PIGZ: variants seen among roughly 807,000 people sequenced by gnomAD.
PIGZ encodes GPI alpha-1,2-mannosyltransferase 4.
A neutral mutation model predicts 16.4 loss-of-function variants in PIGZ; 16 were observed. That is an observed-to-expected ratio of 0.97 (90% CI 0.66 to 1.48). The LOEUF (loss-of-function observed/expected upper bound fraction) is 1.48. Among genes scored for constraint, PIGZ ranks in the 40% most tolerant of loss-of-function variants. The pLI is 0.00. For synonymous variants in PIGZ, 409 were observed against 338.4 expected (o/e 1.21, Z -2.29); for missense variants, 770 against 739.2 (o/e 1.04, Z -0.48).
At position 196,947,729 on chromosome 3, in the gene PIGZ, G is replaced by A. The variant is rs369175760; in HGVS notation, c.1168C>T (p.Arg390Trp). The change falls in exon 3 of 3, where the codon CGG (arginine) becomes TGG (tryptophan). Residue 390 changes from arginine (R) to tryptophan (W), a missense_variant. Coordinates refer to ENST00000412723, the MANE Select transcript of PIGZ (RefSeq NM_025163.4). ...LLSAFSHQEA[R>W]FLIPLLVPLV... ...GGGACCAGGAGGGGAATCAGGAACC[G>A]AGCCTCCTGGTGGCTAAAGGCAGAT... 54 of 1,612,896 alleles carry A rather than the reference G, an allele frequency of 3.3e-5. No homozygotes were observed. In the East Asian group the frequency reaches 3.6e-4, roughly 11 times the overall value.
intron 1 of PIGZ, among the ~76,000 whole-genome samples, 153 bp downstream of exon 1, chr3:196,968,534 C>CG (rs1260662906): frequency 3.3e-5 from 5 of 152,304 alleles, no homozygotes; most frequent in Non-Finnish European, 5.9e-5. Context: ...TGCGAGAATG[C>CG]GGGGGGCGGC....
At chr3:196,954,222 T>G (rs1275520854) in intron 1 of PIGZ, among the ~76,000 whole-genome samples, 1 of 152,088 alleles carries the variant, frequency 6.6e-6, no homozygotes, top group South Asian at 2.1e-4. Flanking sequence ...GAGGTGGAGG[T>G]TGTGGTGAGC....
chr3:196,957,510 G>A (rs1046654418), intron 1 of PIGZ, among the ~76,000 whole-genome samples: 1 of 151,854 alleles, frequency 6.6e-6, no homozygotes, highest in African/African-American at 2.4e-5. Flanking sequence ...AGCCTCTTGA[G>A]TAGCTGGGAT....
Position 196,948,273 on chromosome 3 carries a change from A to G in PIGZ, c.624T>C (p.Gly208=), listed in dbSNP as rs757642940. ...CAAGAAGCCAGCTGCGCCACCGTGG[A>G]CCCGGCGCCGGCTCCTTGCGTGTAG... ...WGPTRKEPAP[G]PRWRSWLLGG... Residue 208 remains glycine, a synonymous_variant, in exon 3 of 3, where the codon GGT becomes GGC. Transcript: ENST00000412723. 16 of 1,613,920 alleles carry G rather than the reference A, an allele frequency of 9.9e-6. No homozygotes were observed. The highest frequency in any genetic ancestry group is 3.3e-4 in the Middle Eastern group (2 of 6,084).
intron 1 of PIGZ, among the ~76,000 whole-genome samples, chr3:196,955,563 CTTTTCTTTCTTTCT>C (rs1560185823): frequency 2.8e-5 from 3 of 105,904 alleles, no homozygotes; most frequent in South Asian, 6.1e-4. Flanking sequence ...CTTTTCTTTT[CTTTTCTTTCTTTCT>C]TTTTTTTTTT....
rs1560180615 is a variant in PIGZ, at chr3:196,948,857, C to CCCTCCCTTCCCTT, written c.212-173_212-172insAAGGGAAGGGAGG. 5.0e-5 allele frequency among the ~76,000 whole-genome samples: 6 copies of CCCTCCCTTCCCTT among 118,848 alleles called. 2 individuals are homozygous for CCCTCCCTTCCCTT. The South Asian group carries it at 1.4e-3, about 27-fold the overall frequency. 78.0% of individuals were successfully genotyped at this position (118,848 alleles called of 152,430 possible). On this transcript the variant is annotated intron_variant, in intron 2 of 2. Coordinates refer to ENST00000412723, the MANE Select transcript of PIGZ (RefSeq NM_025163.4). ...TCCCTCCCTCTCTCCCTCCTTCTTT[C>CCCTCCCTTCCCTT]CCTTCCTTCCCTTCCTTCCTTCCCT...
intron 1 of PIGZ, 55 bp from the exon 2 acceptor site, chr3:196,952,086 T>C: frequency 6.8e-7 from 1 of 1,474,276 alleles, no homozygotes; most frequent in Non-Finnish European, 9.3e-7. Flanking sequence ...TATATTCAAC[T>C]GTCTGAACAA....
chr3:196,967,811 T>G (rs562464660), intron 1 of PIGZ, among the ~76,000 whole-genome samples: 20 of 152,128 alleles, frequency 1.3e-4, no homozygotes, highest in African/African-American at 3.6e-4. Flanking sequence ...TAAACACACA[T>G]AGAGAGTGAA....
intron 1 of PIGZ, among the ~76,000 whole-genome samples, chr3:196,961,458 A>G (rs961054613): frequency 6.6e-6 from 1 of 152,166 alleles, no homozygotes; most frequent in African/African-American, 2.4e-5. Context: ...ACAATTCATC[A>G]TGTTGCCAGG....
chr3:196,955,681 C>T (rs574920314), intron 1 of PIGZ, among the ~76,000 whole-genome samples: 136 of 150,268 alleles, frequency 9.1e-4, no homozygotes, highest in Non-Finnish European at 3.1e-4. Flanking sequence ...TGGGTTCAAG[C>T]GATTCTCCTG....
At chr3:196,967,786 C>T (rs1386477094) in intron 1 of PIGZ, among the ~76,000 whole-genome samples, 1 of 152,274 alleles carries the variant, frequency 6.6e-6, no homozygotes, top group East Asian at 1.9e-4. Flanking sequence ...TCACAGAGAA[C>T]GCAACACACA....
chr3:196,965,594 A>G lies in PIGZ; in HGVS notation c.-1+3093T>C, dbSNP rs139175821. Among the ~76,000 whole-genome samples the G allele has an allele frequency of 1.3e-4, 20 of 152,178 alleles. No homozygotes were observed. Among genetic ancestry groups the G allele is most frequent in the African/African-American group, 3.4e-4 (14 of 41,522 alleles). On this transcript the variant is annotated intron_variant, in intron 1 of 2. Transcript: ENST00000412723. The surrounding 1 kb of genome is among the most constrained non-coding windows in gnomAD (Gnocchi z 4.2). ...AACGTTGCTTGCTAATTATTCCTTG[A>G]ACCCAGCTCTTGTTCCTCATTCTCC...
Position 196,961,218 on chromosome 3 carries a change from CAGTG to C in PIGZ, c.-1+7465_-1+7468del, listed in dbSNP as rs1268827938. Among the ~76,000 whole-genome samples, 3 of 152,158 alleles carry C rather than the reference CAGTG, an allele frequency of 2.0e-5. No individual in the cohort carries two copies. The East Asian group carries it at 5.8e-4, about 29-fold the overall frequency. On this transcript the variant is annotated intron_variant, in intron 1 of 2. Transcript: ENST00000412723. ...GCTGTGTTCTTGAATGCAATAGTTC[CAGTG>C]CTGGTCTCCTGAGTCCTCACTTTCC...
At chr3:196,951,540 C>T in intron 2 of PIGZ, 1 of 491,938 alleles carries the variant, frequency 2.0e-6, no homozygotes, top group South Asian at 2.2e-5. Flanking sequence ...AAGTCCAACA[C>T]AGCTCTCATT....
intron 1 of PIGZ, among the ~76,000 whole-genome samples, chr3:196,966,121 C>T (rs554749158): frequency 2.6e-5 from 4 of 152,314 alleles, no homozygotes; most frequent in Admixed American, 2.0e-4. Context: ...TCCTCTATTC[C>T]GTGCTGTTTC....
intron 1 of PIGZ, among the ~76,000 whole-genome samples, chr3:196,963,112 G>A (rs191992937): frequency 2.3e-4 from 35 of 152,320 alleles, no homozygotes; most frequent in Admixed American, 9.1e-4. Context: ...TGGTTCGTCC[G>A]TGTTGTAGCA....
chr3:196,947,798 T>A lies in PIGZ; in HGVS notation c.1099A>T (p.Arg367Trp), dbSNP rs1418528538. The A allele has an allele frequency of 3.1e-6, 5 of 1,607,822 alleles. No homozygotes were observed. The highest frequency in any genetic ancestry group is 4.3e-6 in the Non-Finnish European group (5 of 1,176,150). ...LGARSLLSSP[R>W]SYLLLLYFMP... ...AAGTAGAGGAGAAGGAGATAGGACC[T>A]GGGGCTGGACAGCAGGCTCCGGGCA... is the stretch of plus-strand genomic sequence containing the variant. Residue 367 changes from arginine (R) to tryptophan (W), a missense_variant, in exon 3 of 3, where the codon AGG becomes TGG. Physicochemically the swap from Arg to Trp is moderately radical, Grantham distance 101. Transcript: ENST00000412723.
chr3:196,950,182 G>A (rs556799927), intron 2 of PIGZ, among the ~76,000 whole-genome samples: 2 of 152,012 alleles, frequency 1.3e-5, no homozygotes, highest in Admixed American at 6.6e-5. Flanking sequence ...ATGGGGTTTC[G>A]CCATGTTGGC....
intron 1 of PIGZ, among the ~76,000 whole-genome samples, chr3:196,968,004 A>G (rs1042174407): frequency 3.9e-5 from 6 of 152,344 alleles, no homozygotes; most frequent in African/African-American, 1.2e-4. Context: ...TTTGAGAAGA[A>G]GGAATGATGA....
Sources: gnomAD v4.1 joint callset for allele counts (sites outside exome capture counted in the v4.1 genomes callset) on GRCh38, gnomAD v4.1.1 for gene constraint, Gnocchi (gnomAD v3.1) non-coding constraint, MANE v1.5 for transcripts, NCBI Gene and HGNC (gene_info 2026-07-23, HGNC 2026-07-21) for gene names.